The following ARHGAP24 variants were observed in gnomAD, a reference collection of about 807,000 sequenced individuals.
ARHGAP24 encodes Rho GTPase activating protein 24, also known as rho GTPase-activating protein 24.
In ARHGAP24, 50 loss-of-function variants were observed where a neutral mutation model predicts 76.4. The observed-to-expected ratio is 0.65, with a 90% confidence interval of 0.52 to 0.83. The LOEUF (loss-of-function observed/expected upper bound fraction) is 0.83. Ranked by LOEUF, ARHGAP24 falls within the 40% of genes least tolerant of loss-of-function variation. The pLI is 0.00. For missense variants in ARHGAP24, 930 were observed against 914.2 expected (o/e 1.02, Z -0.22); for synonymous variants, 345 against 323.3 (o/e 1.07, Z -0.72).
intron 1 of ARHGAP24, among the ~76,000 whole-genome samples, chr4:85,529,035 A>T (rs908641934): frequency 1.3e-5 from 2 of 152,034 alleles, no homozygotes; most frequent in Non-Finnish European, 2.9e-5. Context: ...ACTACTCCTG[A>T]GCTGATCATG....
rs751537877 is a variant in ARHGAP24 at position 86,000,460 on chromosome 4, C to CA, written c.2004-19_2004-18insA. On this transcript the variant is annotated intron_variant, in intron 9 of 9. Coordinates refer to ENST00000395184, the MANE Select transcript of ARHGAP24 (RefSeq NM_001025616.3). ...ACTCTTGCGTCCCCACCCCCCACCC[C>CA]CCCCAACATCCTTTGTAGCTTAGAA... The CA allele has an allele frequency of 4.9e-6, 4 of 812,154 alleles. No homozygotes were observed. Among genetic ancestry groups the CA allele is most frequent in the South Asian group, 1.4e-5 (1 of 72,428 alleles). 50.3% of individuals were successfully genotyped at this position (812,154 alleles called of 1,614,324 possible).
chr4:85,939,389 G>A (rs1468511308), intron 4 of ARHGAP24, among the ~76,000 whole-genome samples: 2 of 152,164 alleles, frequency 1.3e-5, no homozygotes, highest in Admixed American at 1.3e-4. Flanking sequence ...AATAAATCTG[G>A]ATGTGGACTT....
intron 2 of ARHGAP24, among the ~76,000 whole-genome samples, chr4:85,633,671 G>A (rs1721228700): frequency 6.6e-6 from 1 of 151,704 alleles, no homozygotes; most frequent in Non-Finnish European, 1.5e-5. Flanking sequence ...AGGAAAATTA[G>A]AATTCAGTTT....
At chr4:85,583,062 T>C (rs1727683471) in intron 2 of ARHGAP24, among the ~76,000 whole-genome samples, 1 of 152,166 alleles carries the variant, frequency 6.6e-6, no homozygotes, top group African/African-American at 2.4e-5. Context: ...CCTGTTTTGA[T>C]GTCTGTCAAA....
intron 5 of ARHGAP24, among the ~76,000 whole-genome samples, chr4:85,946,682 T>C (rs960715866): frequency 6.6e-6 from 1 of 152,348 alleles, no homozygotes; most frequent in Admixed American, 6.5e-5. Context: ...GATGGTGGCA[T>C]AGTATTCCAT....
chr4:85,876,579 C>T (rs565349382), intron 3 of ARHGAP24, among the ~76,000 whole-genome samples: 75 of 152,314 alleles, frequency 4.9e-4, no homozygotes, highest in Admixed American at 2.0e-3. Flanking sequence ...GACCATCTGA[C>T]ATATGCACTA....
intron 1 of ARHGAP24, among the ~76,000 whole-genome samples, chr4:85,533,649 C>G (rs1243958391): frequency 3.9e-5 from 6 of 152,164 alleles, no homozygotes; most frequent in Admixed American, 3.9e-4. Flanking sequence ...ATAGGGTACT[C>G]TTTATATAAT....
intron 1 of ARHGAP24, among the ~76,000 whole-genome samples, chr4:85,511,709 C>A (rs1724289966): frequency 6.6e-6 from 1 of 151,788 alleles, no homozygotes; most frequent in South Asian, 2.1e-4. Flanking sequence ...AGGTGATCCA[C>A]CCGCCTCGGC....
At chr4:85,667,974 G>C (rs10020774) in intron 2 of ARHGAP24, among the ~76,000 whole-genome samples, 1 of 152,158 alleles carries the variant, frequency 6.6e-6, no homozygotes, top group Admixed American at 6.5e-5. Flanking sequence ...AAACAAATAC[G>C]ATGTTTTGCT....
chr4:85,855,118 T>C (rs1578304334), intron 3 of ARHGAP24, among the ~76,000 whole-genome samples: 1 of 152,194 alleles, frequency 6.6e-6, no homozygotes, highest in South Asian at 2.1e-4. Context: ...TGAAAAATAG[T>C]CTTCTATGCA....
At chr4:85,611,914 T>G (rs970323616) in intron 2 of ARHGAP24, among the ~76,000 whole-genome samples, 1 of 152,224 alleles carries the variant, frequency 6.6e-6, no homozygotes, top group Non-Finnish European at 1.5e-5. Context: ...CTACTTGACC[T>G]GTGCTTTTCT....
At chr4:85,782,033 T>A (rs1158400616) in intron 3 of ARHGAP24, among the ~76,000 whole-genome samples, 1 of 107,540 alleles carries the variant, frequency 9.3e-6, no homozygotes, top group Admixed American at 1.2e-4. Context: ...TGAGATTCTA[T>A]CTCAAAAAAA....
At chr4:85,912,119 T>A (rs1011876736) in intron 3 of ARHGAP24, among the ~76,000 whole-genome samples, 1 of 152,230 alleles carries the variant, frequency 6.6e-6, no homozygotes, top group Non-Finnish European at 1.5e-5. Context: ...GAAATCATAG[T>A]TGATTTGAAA....
chr4:85,850,549 G>A (rs536093745), intron 3 of ARHGAP24, among the ~76,000 whole-genome samples: 14 of 152,170 alleles, frequency 9.2e-5, no homozygotes, highest in East Asian at 3.9e-4. Context: ...TTAGGGTGTC[G>A]ATTTTAGATC....
At chr4:85,690,342 G>A (rs1420708482) in intron 2 of ARHGAP24, among the ~76,000 whole-genome samples, 1 of 152,158 alleles carries the variant, frequency 6.6e-6, no homozygotes, top group African/African-American at 2.4e-5. Flanking sequence ...TTAGGGAGGA[G>A]TCCCTCCTCC....
intron 1 of ARHGAP24, among the ~76,000 whole-genome samples, chr4:85,554,485 G>A (rs543195012): frequency 7.3e-4 from 111 of 152,010 alleles, no homozygotes; most frequent in African/African-American, 2.3e-3. Context: ...CATATTTCTC[G>A]TTTTTATTCT....
At chr4:85,920,348 C>T (rs547255973) in intron 3 of ARHGAP24, among the ~76,000 whole-genome samples, 2 of 152,044 alleles carry the variant, frequency 1.3e-5, no homozygotes, top group Admixed American at 6.6e-5. Flanking sequence ...AAGTTTCAGA[C>T]TCCTCCCTTA....
chr4:85,652,922 A>C (rs1471242519), intron 2 of ARHGAP24, among the ~76,000 whole-genome samples: 1 of 152,204 alleles, frequency 6.6e-6, no homozygotes, highest in Admixed American at 6.5e-5. Context: ...AGAGTTGGGC[A>C]TAATGGTTTT....
At chr4:85,870,225 C>G (rs1405995943) in intron 3 of ARHGAP24, among the ~76,000 whole-genome samples, 2 of 151,864 alleles carry the variant, frequency 1.3e-5, no homozygotes, top group African/African-American at 4.8e-5. Flanking sequence ...GATATTTTTT[C>G]TTTTTTCCTA....
Sources: gnomAD v4.1 joint callset for allele counts (sites outside exome capture counted in the v4.1 genomes callset) on GRCh38, gnomAD v4.1.1 for gene constraint, MANE v1.5 for transcripts, NCBI Gene and HGNC (gene_info 2026-07-23, HGNC 2026-07-21) for gene names.